Variants in ANKH observed in about 807,000 individuals in gnomAD.
ANKH encodes mineralization regulator ANKH.
In ANKH, 15 loss-of-function variants were observed where a neutral mutation model predicts 49.0. The observed-to-expected ratio is 0.31, with a 90% confidence interval of 0.20 to 0.47. The LOEUF (loss-of-function observed/expected upper bound fraction) is 0.47, where lower values mean the gene tolerates loss of function less well. Ranked by LOEUF, ANKH falls within the 20% of genes least tolerant of loss-of-function variation. The probability of loss-of-function intolerance (pLI) is 1.00; values close to 1 mark genes in which losing one functional copy is unlikely to be tolerated. For missense variants in ANKH, 429 were observed against 652.0 expected, an observed-to-expected ratio of 0.66 and a Z score of 3.72; for synonymous variants, 273 against 260.0, an observed-to-expected ratio of 1.05 and a Z score of -0.48.
chr5:14,831,438 G>C (rs531684939), intron 1 of ANKH, among the ~76,000 whole-genome samples: 1 of 152,158 alleles, frequency 6.6e-6, no homozygotes, highest in Admixed American at 6.5e-5. Context: ...TCCGCACCTT[G>C]CTGTAGTTGA....
At position 14,871,474 on chromosome 5, in the gene ANKH, C is replaced by A; in HGVS notation, c.-27G>T. The A allele has an allele frequency of 6.3e-7, 1 of 1,592,856 alleles. No individual in the cohort carries two copies. Among genetic ancestry groups the A allele is most frequent in the South Asian group, 1.1e-5 (1 of 90,528 alleles). ...GTCCCCGCCGTGGGCTGACCCCACA[C>A]ACATCTGCTGCCGCGAGGGGACTCT... On this transcript the variant is annotated 5_prime_UTR_variant, in exon 1 of 12. Transcript: ENST00000284268.
In ANKH at chr5:14,817,953, A is replaced by T. The variant is rs1255954672; in HGVS notation, c.97-48762T>A. Among the ~76,000 whole-genome samples the T allele has an allele frequency of 8.6e-5, 13 of 151,678 alleles. 2 individuals carry two copies. In the South Asian group the frequency reaches 2.5e-3, roughly 29 times the overall value. On this transcript the variant is annotated intron_variant, in intron 1 of 11. Coordinates refer to ENST00000284268, the MANE Select transcript of ANKH (RefSeq NM_054027.6). ...ATAGTGTGGGCCTGTAGTCCTAGCT[A>T]CTCAGGAGGCTGAGGCATGAGAACT...
Position 14,764,077 on chromosome 5 carries a change from A to AAAATAAAT in ANKH, c.313+4890_313+4897dup, listed in dbSNP as rs144437805. On this transcript the variant is annotated intron_variant, in intron 2 of 11. Transcript: ENST00000284268. ...AACTCTAGCCTGGGTGACAGAACGG[A>AAAATAAAT]AAATAAATAAATAAATAAAAATAAA... Among the ~76,000 whole-genome samples the AAAATAAAT allele has an allele frequency of 8.8e-5, 13 of 146,958 alleles. No individual in the cohort carries two copies. In the East Asian group the frequency reaches 1.2e-3, roughly 13 times the overall value.
chr5:14,803,236 A>C lies in ANKH; in HGVS notation c.97-34045T>G, dbSNP rs576364440. 1.8e-3 allele frequency among the ~76,000 whole-genome samples: 279 copies of C among 152,200 alleles called. 1 individual carries two copies. Among genetic ancestry groups the C allele is most frequent in the Non-Finnish European group, 1.9e-3 (127 of 67,996 alleles). ...CTTAGATATGGGCTGAAGGCCATGG[A>C]CTTCTCTAAAGGTCTTTTAGTCTCT... On this transcript the variant is annotated intron_variant, in intron 1 of 11. Coordinates refer to ENST00000284268, the MANE Select transcript of ANKH (RefSeq NM_054027.6).
intron 8 of ANKH, among the ~76,000 whole-genome samples, chr5:14,732,301 G>A (rs1020598441): frequency 2.0e-5 from 3 of 152,016 alleles, no homozygotes; most frequent in Non-Finnish European, 4.4e-5. Context: ...GGGGTGACGG[G>A]TCAACTAAAG....
At chr5:14,768,444 A>G (rs1739320543) in intron 2 of ANKH, 1 of 157,280 alleles carries the variant, frequency 6.4e-6, no homozygotes, top group Non-Finnish European at 1.4e-5. Context: ...ACTGGAGGCC[A>G]GTCACTGTAT....
At chr5:14,711,600 T>C (rs1737208900) in intron 11 of ANKH, among the ~76,000 whole-genome samples, 1 of 152,224 alleles carries the variant, frequency 6.6e-6, no homozygotes, top group Non-Finnish European at 1.5e-5. Flanking sequence ...CCCTTTCCAA[T>C]GAGGGCTGCG....
intron 1 of ANKH, among the ~76,000 whole-genome samples, chr5:14,821,194 A>T (rs1032515677): frequency 5.9e-5 from 9 of 152,226 alleles, no homozygotes; most frequent in African/African-American, 1.9e-4. Context: ...GAGTTTGTAG[A>T]TACATTCCAA....
intron 2 of ANKH, among the ~76,000 whole-genome samples, chr5:14,762,545 C>A (rs1025430039): frequency 1.3e-5 from 2 of 152,194 alleles, no homozygotes; most frequent in Non-Finnish European, 2.9e-5. Flanking sequence ...AGGGAAGAAG[C>A]TTTTCCTCCC....
chr5:14,863,460 A>T (rs1215040181), intron 1 of ANKH, among the ~76,000 whole-genome samples: 4 of 152,200 alleles, frequency 2.6e-5, no homozygotes, highest in African/African-American at 9.7e-5. Context: ...TGTGCAGTAT[A>T]GGCTAGACTT....
Position 14,713,113 on chromosome 5 carries a change from G to A in ANKH, c.1266-140C>T. 2 of 839,550 alleles carry A rather than the reference G, an allele frequency of 2.4e-6. No homozygotes were observed. The highest frequency in any genetic ancestry group is 3.9e-6 in the Non-Finnish European group (2 of 515,804). The allele number at this position is 839,550 out of a possible 1,614,324, so 52.0% of individuals were successfully genotyped here. ...TTCTCCATCTGCTGGCTTCGTAAGG[G>A]CCGCAGCTAATAACCTAATGTGTGA... is the stretch of plus-strand genomic sequence containing the variant. On this transcript the variant is annotated intron_variant, in intron 10 of 11. Coordinates refer to ENST00000284268, the MANE Select transcript of ANKH (RefSeq NM_054027.6). This position sits in a 1 kb window ranked among gnomAD's most constrained non-coding sequence, Gnocchi z 4.4.
intron 1 of ANKH, among the ~76,000 whole-genome samples, chr5:14,845,811 T>C (rs1233266793): frequency 6.7e-6 from 1 of 149,456 alleles, no homozygotes; most frequent in Non-Finnish European, 1.5e-5. Flanking sequence ...ACGTCAGTAC[T>C]GCAAACTGGT....
At chr5:14,857,892 T>C (rs1333143009) in intron 1 of ANKH, among the ~76,000 whole-genome samples, 2 of 152,114 alleles carry the variant, frequency 1.3e-5, no homozygotes, top group Non-Finnish European at 2.9e-5. Context: ...AACAACTGTC[T>C]ATACAGGGGT....
Position 14,856,559 on chromosome 5 carries a change from G to A in ANKH, c.96+14793C>T, listed in dbSNP as rs190039540. On this transcript the variant is annotated intron_variant, in intron 1 of 11. Transcript: ENST00000284268. ...TGATCAGCTTGCCCCATTGATACTG[G>A]GAGAGCAGAGGACAGGCCCCAGAGA... Among the ~76,000 whole-genome samples, 5 of 151,954 alleles carry A rather than the reference G, an allele frequency of 3.3e-5. No individual in the cohort carries two copies. The East Asian group carries it at 9.8e-4, about 30-fold the overall frequency.
At chr5:14,811,727 C>A (rs1284005484) in intron 1 of ANKH, among the ~76,000 whole-genome samples, 1 of 152,180 alleles carries the variant, frequency 6.6e-6, no homozygotes, top group African/African-American at 2.4e-5. Flanking sequence ...AGGAACTTTA[C>A]TGCTTTCTCT....
rs13358750 is a variant in ANKH, at chr5:14,765,721, G to A, written c.313+3254C>T. Among the ~76,000 whole-genome samples the A allele has an allele frequency of 5.3e-3, 805 of 152,284 alleles. 7 individuals carry two copies. The highest frequency in any genetic ancestry group is 0.017 in the African/African-American group (717 of 41,548). Reference sequence around the variant, plus strand: ...TATTGGGGCAAACCCAGTGAATGAGGGATGACACTACAAAAGCTTTTAGTG... The same window carrying A: ...TATTGGGGCAAACCCAGTGAATGAGAGATGACACTACAAAAGCTTTTAGTG... On this transcript the variant is annotated intron_variant, in intron 2 of 11. Transcript: ENST00000284268.
At chr5:14,755,256 G>A (rs1182801024) in intron 4 of ANKH, among the ~76,000 whole-genome samples, 1 of 152,188 alleles carries the variant, frequency 6.6e-6, no homozygotes, top group East Asian at 1.9e-4. Flanking sequence ...AGAAAGGACA[G>A]AAAGCCAGGG....
intron 9 of ANKH, among the ~76,000 whole-genome samples, chr5:14,714,016 G>C (rs1737345757): frequency 6.6e-6 from 1 of 152,258 alleles, no homozygotes; most frequent in African/African-American, 2.4e-5. Flanking sequence ...CTCTAGAAGA[G>C]AACACTCAGA....
chr5:14,706,652 G>A lies in ANKH; in HGVS notation c.*4545C>T, dbSNP rs1262236282. 1 of 152,080 alleles carries A rather than the reference G, an allele frequency of 6.6e-6. No homozygotes were observed. The highest frequency in any genetic ancestry group is 2.4e-5 in the African/African-American group (1 of 41,408). 9.4% of individuals were successfully genotyped at this position (152,080 alleles called of 1,614,324 possible). Reference sequence around the variant, plus strand: ...ACATTTGCATGATTTTAGACATTTTGCCTTTAAAAGGGCAGGCAACAGGCC... The same window carrying A: ...ACATTTGCATGATTTTAGACATTTTACCTTTAAAAGGGCAGGCAACAGGCC... On this transcript the variant is annotated 3_prime_UTR_variant, in exon 12 of 12. Coordinates refer to ENST00000284268, the MANE Select transcript of ANKH (RefSeq NM_054027.6).
Sources: gnomAD v4.1 joint callset for allele counts (sites outside exome capture counted in the v4.1 genomes callset) on GRCh38, gnomAD v4.1.1 for gene constraint, Gnocchi (gnomAD v3.1) non-coding constraint, MANE v1.5 for transcripts, NCBI Gene and HGNC (gene_info 2026-07-23, HGNC 2026-07-21) for gene names.